Variants in DNAH17 observed in about 807,000 individuals in gnomAD.
DNAH17 encodes dynein axonemal heavy chain 17, also known as axonemal beta dynein heavy chain 17.
In DNAH17, 376 loss-of-function variants were observed where a neutral mutation model predicts 485.6. That is an observed-to-expected ratio of 0.77 (90% CI 0.71 to 0.84). The LOEUF (loss-of-function observed/expected upper bound fraction) is 0.84. DNAH17 is among the 40% of genes least tolerant of loss of function. The pLI, the probability that DNAH17 is intolerant of heterozygous loss-of-function variation, is 0.00. For missense variants in DNAH17, 6,370 were observed against 5,839.3 expected (o/e 1.09, Z -2.96); for synonymous variants, 3,031 against 2,405.9 (o/e 1.26, Z -7.60).
intron 77 of DNAH17, among the ~76,000 whole-genome samples, chr17:78,427,914 C>T (rs927724420): frequency 1.4e-5 from 2 of 147,636 alleles, no homozygotes; most frequent in African/African-American, 2.5e-5. Context: ...TGCAGTGAGC[C>T]GAGATCGTGC....
rs369302905 is a variant in DNAH17, at chr17:78,540,278, C to T, written c.2533-398G>A. 3.8e-3 allele frequency among the ~76,000 whole-genome samples: 562 copies of T among 147,466 alleles called. 3 individuals are homozygous for T. Among genetic ancestry groups the T allele is most frequent in the Admixed American group, 5.6e-3 (82 of 14,702 alleles). ...ATTCATGAAGGTGAAGGTTGACCATCCTCTCCACCACTGTACCCCCAGCAC... is the reference window on the plus strand; with the variant it reads ...ATTCATGAAGGTGAAGGTTGACCATTCTCTCCACCACTGTACCCCCAGCAC... On this transcript the variant is annotated intron_variant, in intron 17 of 80. Coordinates refer to ENST00000389840, the MANE Select transcript of DNAH17 (RefSeq NM_173628.4).
chr17:78,563,729 GATA>G (rs2092208554), intron 11 of DNAH17, among the ~76,000 whole-genome samples: 2 of 152,080 alleles, frequency 1.3e-5, no homozygotes, highest in Non-Finnish European at 2.9e-5. Context: ...GCGAGTTGCT[GATA>G]ATGAGAACTA....
chr17:78,526,027 A>C (rs1186400895), intron 24 of DNAH17, among the ~76,000 whole-genome samples: 1 of 152,188 alleles, frequency 6.6e-6, no homozygotes, highest in Non-Finnish European at 1.5e-5. Flanking sequence ...GCAAAGAGGA[A>C]CTGACAAGGG....
At chr17:78,515,828 G>A (rs1357611537) in intron 25 of DNAH17, among the ~76,000 whole-genome samples, 1 of 152,234 alleles carries the variant, frequency 6.6e-6, no homozygotes, top group African/African-American at 2.4e-5. Flanking sequence ...ATACACTTTT[G>A]TTCAGTACAC....
chr17:78,552,533 T>A (rs1219846676), intron 15 of DNAH17, among the ~76,000 whole-genome samples, 164 bp downstream of exon 15: 19 of 140,220 alleles, frequency 1.4e-4, no homozygotes, highest in Non-Finnish European at 2.8e-4. Context: ...TTTTTTTGCC[T>A]GGGCAGGCAG....
chr17:78,512,940 CAAA>C (rs57734613), intron 26 of DNAH17, among the ~76,000 whole-genome samples: 127 of 83,296 alleles, frequency 1.5e-3, no homozygotes, highest in Middle Eastern at 6.9e-3. Flanking sequence ...GACTCTAACT[CAAA>C]AAAAAAAAAA....
chr17:78,490,443 T>C (rs1231663601), intron 44 of DNAH17, among the ~76,000 whole-genome samples: 14 of 152,172 alleles, frequency 9.2e-5, no homozygotes. Context: ...AGACCTCCCT[T>C]CCCACACCAG....
chr17:78,502,311 A>AT (rs372292514), intron 33 of DNAH17: 2,900 of 327,282 alleles, frequency 8.9e-3, no homozygotes, highest in East Asian at 0.013. Flanking sequence ...AACCAAGGAC[A>AT]TTTTTTTTTT....
chr17:78,449,279 A>C, intron 69 of DNAH17, 135 bp downstream of exon 69: 1 of 830,644 alleles, frequency 1.2e-6, no homozygotes, highest in Non-Finnish European at 1.9e-6. Context: ...TCACCTGGGT[A>C]TATTGCTAAA....
In DNAH17 at chr17:78,463,061, G is replaced by C. The variant is rs2088220572; in HGVS notation, c.8957C>G (p.Ser2986Cys). 6.2e-7 allele frequency: 1 copy of C among 1,613,880 alleles called. No individual in the cohort carries two copies. Reference protein sequence around the residue: ...TEGIPWEVKASISFFMSYVHT... With the variant: ...TEGIPWEVKACISFFMSYVHT... Reference sequence around the variant, plus strand: ...CACGTAGGACATGAAGAAGCTGATGGAGGCCTTGACTTCCCACTACAAAGA... The same window carrying C: ...CACGTAGGACATGAAGAAGCTGATGCAGGCCTTGACTTCCCACTACAAAGA... The change falls in exon 57 of 81, where the codon TCC becomes TGC. Residue 2986 changes from serine to cysteine, a missense_variant. Physicochemically the swap from Ser to Cys is moderately radical, Grantham distance 112. Transcript: ENST00000389840.
At chr17:78,485,105 T>C in intron 47 of DNAH17, 72 bp from the exon 48 acceptor site, 1 of 1,489,092 alleles carries the variant, frequency 6.7e-7, no homozygotes, top group South Asian at 1.4e-5. Flanking sequence ...GGAGGGGCGC[T>C]ACCTGCTTCC....
At position 78,449,590 on chromosome 17, in the gene DNAH17, G is replaced by T; in HGVS notation, c.11041-6C>A. The stretch of plus-strand genomic sequence containing the variant: ...TCAAACACCACGTTGAAGGCCTGGG[G>T]ATCCGCCACCGAGAGCCATGGAGGC... On this transcript the variant is annotated splice_region_variant and splice_polypyrimidine_tract_variant and intron_variant, in intron 68 of 80. Coordinates refer to ENST00000389840, the MANE Select transcript of DNAH17 (RefSeq NM_173628.4). The T allele has an allele frequency of 6.3e-7, 1 of 1,580,616 alleles. No individual in the cohort carries two copies. Among genetic ancestry groups the T allele is most frequent in the Non-Finnish European group, 8.6e-7 (1 of 1,161,440 alleles).
chr17:78,448,435 G>A (rs1413296231), intron 69 of DNAH17, among the ~76,000 whole-genome samples: 1 of 152,216 alleles, frequency 6.6e-6, no homozygotes, highest in Non-Finnish European at 1.5e-5. Context: ...GCTGAAGTGG[G>A]AGGATTGCTT....
chr17:78,529,350 T>A (rs1266162001), intron 22 of DNAH17, 122 bp downstream of exon 22: 1 of 954,374 alleles, frequency 1.0e-6, no homozygotes, highest in East Asian at 2.5e-5. Context: ...GGGGATCTGA[T>A]GTCCAGAGAG....
At position 78,424,147 on chromosome 17, in the gene DNAH17, C is replaced by T. The variant is rs139023942; in HGVS notation, c.13148G>A (p.Arg4383His). 5.0e-5 allele frequency: 81 copies of T among 1,609,870 alleles called. No individual in the cohort carries two copies. Among genetic ancestry groups the T allele is most frequent in the Non-Finnish European group, 6.3e-5 (74 of 1,178,458 alleles). ...YVYGLFMEGA[R>H]WDTQTGVIAE... ...GATGACTCCAGTCTGGGTGTCCCAG[C>T]GAGCCCCTGCAGGGACAGTATGGCT... Residue 4383 changes from arginine to histidine, a missense_variant, in exon 81 of 81, where the codon CGC becomes CAC. Arg to His is a conservative substitution (Grantham distance 29). Transcript: ENST00000389840.
At chr17:78,540,644 G>A (rs1250571862) in intron 17 of DNAH17, among the ~76,000 whole-genome samples, 4 of 125,632 alleles carry the variant, frequency 3.2e-5, no homozygotes, top group African/African-American at 1.3e-4. Context: ...TCCATGGATG[G>A]ATGAACGGGG....
At chr17:78,524,758 A>AG (rs1666740866) in intron 25 of DNAH17, among the ~76,000 whole-genome samples, 1 of 152,202 alleles carries the variant, frequency 6.6e-6, no homozygotes, top group African/African-American at 2.4e-5. Context: ...AGACGAAGGG[A>AG]GGGGAAAAAA....
At chr17:78,559,076 G>A (rs912216286) in intron 13 of DNAH17, among the ~76,000 whole-genome samples, 1 of 152,184 alleles carries the variant, frequency 6.6e-6, no homozygotes, top group Non-Finnish European at 1.5e-5. Context: ...TTTACCCTCA[G>A]TTGAATGAGG....
chr17:78,556,769 A>G (rs1004542815), intron 14 of DNAH17, among the ~76,000 whole-genome samples: 4 of 152,220 alleles, frequency 2.6e-5, no homozygotes, highest in African/African-American at 9.6e-5. Flanking sequence ...GCCCATCAAC[A>G]GAGGAATGGA....
Sources: allele counts gnomAD v4.1 joint callset (sites outside exome capture counted in the v4.1 genomes callset), GRCh38; gene constraint gnomAD v4.1.1; transcripts MANE v1.5; gene names NCBI Gene and HGNC (gene_info 2026-07-23, HGNC 2026-07-21).